The following CCDC146 variants were observed in gnomAD, a reference collection of about 807,000 sequenced individuals.
CCDC146 encodes coiled-coil domain containing 146.
Under a neutral mutation model 119.3 loss-of-function variants are expected in CCDC146, and 92 were observed. The ratio of observed to expected loss-of-function variants is 0.77; its 90% CI spans 0.65 to 0.92. The LOEUF (loss-of-function observed/expected upper bound fraction) is 0.92, where lower values mean the gene tolerates loss of function less well. CCDC146 is among the 40% of genes least tolerant of loss of function. The pLI is 0.00. For synonymous variants in CCDC146, 372 were observed against 371.8 expected, an observed-to-expected ratio of 1.00 and a Z score of -0.01; for missense variants, 1,000 against 1,103.0, an observed-to-expected ratio of 0.91 and a Z score of 1.32.
intron 7 of CCDC146, among the ~76,000 whole-genome samples, chr7:77,259,627 T>C (rs1389354080): frequency 6.6e-6 from 1 of 152,142 alleles, no homozygotes; most frequent in Admixed American, 6.5e-5. Flanking sequence ...GGGGAAAAAT[T>C]AGGCAGGCAC....
intron 1 of CCDC146, 111 bp from the exon 2 acceptor site, chr7:77,167,547 T>C: frequency 2.4e-6 from 2 of 826,206 alleles, no homozygotes; most frequent in Non-Finnish European, 1.7e-6. Flanking sequence ...TGTAGTTTCA[T>C]TGAACAATAG....
chr7:77,150,168 A>T (rs1791089485), intron 1 of CCDC146, among the ~76,000 whole-genome samples: 1 of 152,132 alleles, frequency 6.6e-6, no homozygotes, highest in African/African-American at 2.4e-5. Context: ...GATAATCTGT[A>T]AGAATTCTTT....
Position 77,262,159 on chromosome 7 carries a change from A to G in CCDC146, c.1025A>G (p.Asp342Gly). The G allele has an allele frequency of 6.2e-7, 1 of 1,611,572 alleles. No individual in the cohort carries two copies. Among genetic ancestry groups the G allele is most frequent in the Middle Eastern group, 1.7e-4 (1 of 6,052 alleles). Reference sequence around the variant, plus strand: ...CTCAATTTACGCAACAGTCTCATTGACAAGCAGAACTACCATGATGAACTT... The same window carrying G: ...CTCAATTTACGCAACAGTCTCATTGGCAAGCAGAACTACCATGATGAACTT... Reference protein sequence around the residue: ...LDLNLRNSLIDKQNYHDELSR... With the variant: ...LDLNLRNSLIGKQNYHDELSR... Residue 342 changes from aspartate (D) to glycine (G), a missense_variant, in exon 9 of 19, where the codon GAC (aspartate) becomes GGC (glycine). Coordinates refer to ENST00000285871, the MANE Select transcript of CCDC146 (RefSeq NM_020879.3).
rs1164922323 is a variant in CCDC146 at position 77,282,771 on chromosome 7, G to C, written c.2134G>C (p.Val712Leu). The C allele has an allele frequency of 6.2e-7, 1 of 1,613,378 alleles. No individual in the cohort carries two copies. The highest frequency in any genetic ancestry group is 8.5e-7 in the Non-Finnish European group (1 of 1,179,500). The change falls in exon 15 of 19, where the codon GTG becomes CTG. Residue 712 changes from valine to leucine, a missense_variant. Coordinates refer to ENST00000285871, the MANE Select transcript of CCDC146 (RefSeq NM_020879.3). ...GAGGTCCCTGGATGCCGACCTAGCT[G>C]TGCTCCAAATTCAGGTGGGTGAGTG... The part of the protein sequence containing the change: ...AKRSLDADLA[V>L]LQIQFSQCTD...
At chr7:77,187,431 C>G (rs557304569) in intron 2 of CCDC146, among the ~76,000 whole-genome samples, 1 of 152,190 alleles carries the variant, frequency 6.6e-6, no homozygotes, top group Non-Finnish European at 1.5e-5. Context: ...TAAGCTCAGT[C>G]CAAAATAATG....
intron 2 of CCDC146, among the ~76,000 whole-genome samples, chr7:77,170,141 C>G (rs550971395): frequency 6.6e-6 from 1 of 152,274 alleles, no homozygotes; most frequent in South Asian, 2.1e-4. Flanking sequence ...CCTCCACTCT[C>G]TAGTAGTCTG....
chr7:77,202,874 C>G (rs1207471290), intron 2 of CCDC146, among the ~76,000 whole-genome samples: 3 of 152,146 alleles, frequency 2.0e-5, no homozygotes, highest in Admixed American at 2.0e-4. Flanking sequence ...GTATCTGATT[C>G]AAAGTTCATA....
At chr7:77,188,705 A>G (rs1444216175) in intron 2 of CCDC146, among the ~76,000 whole-genome samples, 2 of 152,202 alleles carry the variant, frequency 1.3e-5, no homozygotes, top group African/African-American at 4.8e-5. Context: ...GTTTTGTAGA[A>G]TACCATTGTG....
chr7:77,245,213 G>A (rs966235921), intron 4 of CCDC146, among the ~76,000 whole-genome samples: 1 of 152,150 alleles, frequency 6.6e-6, no homozygotes, highest in African/African-American at 2.4e-5. Flanking sequence ...TAAGTATGCA[G>A]TTCAGGAAAT....
intron 2 of CCDC146, among the ~76,000 whole-genome samples, chr7:77,180,817 C>T (rs778142081): frequency 3.3e-5 from 5 of 152,140 alleles, no homozygotes; most frequent in East Asian, 1.9e-4. Context: ...TCTTTATAGA[C>T]GTTGTAGCAA....
intron 11 of CCDC146, among the ~76,000 whole-genome samples, chr7:77,278,245 T>C (rs961511024): frequency 6.6e-6 from 1 of 152,152 alleles, no homozygotes; most frequent in Non-Finnish European, 1.5e-5. Flanking sequence ...CTCTCAAAAG[T>C]TGTCCAAACT....
intron 15 of CCDC146, 57 bp from the exon 16 acceptor site, chr7:77,286,741 T>A (rs1475395477): frequency 7.6e-6 from 12 of 1,577,556 alleles, no homozygotes; most frequent in Middle Eastern, 1.7e-4. Context: ...GCAATGTGAT[T>A]TTCAGATTAA....
intron 1 of CCDC146, among the ~76,000 whole-genome samples, chr7:77,142,202 G>T (rs1790943001): frequency 6.6e-6 from 1 of 152,156 alleles, no homozygotes; most frequent in Non-Finnish European, 1.5e-5. Flanking sequence ...GCATAGTATT[G>T]GAAGTTCTGG....
intron 1 of CCDC146, among the ~76,000 whole-genome samples, chr7:77,142,377 A>T (rs908376625): frequency 2.6e-5 from 4 of 151,800 alleles, no homozygotes; most frequent in African/African-American, 4.8e-5. Context: ...CATGTGCACA[A>T]CGTGCAGGTT....
chr7:77,190,810 G>C (rs117028081), intron 2 of CCDC146, among the ~76,000 whole-genome samples: 1 of 152,192 alleles, frequency 6.6e-6, no homozygotes, highest in African/African-American at 2.4e-5. Context: ...TCTGGGGAGA[G>C]GGACAGGATT....
intron 17 of CCDC146, among the ~76,000 whole-genome samples, chr7:77,290,351 A>G (rs887515178): frequency 4.6e-5 from 7 of 152,142 alleles, no homozygotes; most frequent in Non-Finnish European, 8.8e-5. Context: ...CGTTGTGCAC[A>G]TGTACCCTAG....
At chr7:77,139,050 T>C (rs1790897681) in intron 1 of CCDC146, among the ~76,000 whole-genome samples, 1 of 152,188 alleles carries the variant, frequency 6.6e-6, no homozygotes, top group African/African-American at 2.4e-5. Context: ...CATATAAAAA[T>C]CTGCACATAG....
chr7:77,196,836 GCA>G lies in CCDC146; in HGVS notation c.156+29013_156+29014del. ...TTGGTGCTCCCATCGAGACGTGCCT[GCA>G]GCACTGTCCAGCCTCCCCCCATGGT... On this transcript the variant is annotated intron_variant, in intron 2 of 18. Transcript: ENST00000285871. This position sits in a 1 kb window ranked among gnomAD's most constrained non-coding sequence, Gnocchi z 4.2. 6.2e-7 allele frequency: 1 copy of G among 1,613,872 alleles called. No homozygotes were observed. Among genetic ancestry groups the G allele is most frequent in the Non-Finnish European group, 8.5e-7 (1 of 1,179,958 alleles).
intron 15 of CCDC146, among the ~76,000 whole-genome samples, chr7:77,286,397 C>T (rs930097090): frequency 8.5e-5 from 13 of 152,182 alleles, no homozygotes; most frequent in South Asian, 4.1e-4. Context: ...CCACCACCAA[C>T]GTTGGGGATT....
Sources: gnomAD v4.1 joint callset for allele counts (sites outside exome capture counted in the v4.1 genomes callset) on GRCh38, gnomAD v4.1.1 for gene constraint, Gnocchi (gnomAD v3.1) non-coding constraint, MANE v1.5 for transcripts, NCBI Gene and HGNC (gene_info 2026-07-23, HGNC 2026-07-21) for gene names.